Variants in C5AR1 observed in about 807,000 individuals in gnomAD.
C5AR1 encodes the protein C5a anaphylatoxin chemotactic receptor 1.
C5AR1 carries 4 observed loss-of-function variants against 2.4 expected under a neutral mutation model. The observed-to-expected ratio is 1.65, with a 90% confidence interval of 0.81 to 3.77. The LOEUF (loss-of-function observed/expected upper bound fraction) is 3.77, where lower values mean the gene tolerates loss of function less well. Among genes scored for constraint, C5AR1 ranks in the 30% most tolerant of loss-of-function variants. C5AR1 has a pLI of 0.01. For synonymous variants in C5AR1, 209 were observed against 210.4 expected (o/e 0.99, Z 0.06); for missense variants, 418 against 462.5 (o/e 0.90, Z 0.88).
intron 1 of C5AR1, among the ~76,000 whole-genome samples, chr19:47,317,458 A>C (rs2059293288): frequency 6.6e-6 from 1 of 150,636 alleles, no homozygotes; most frequent in South Asian, 2.1e-4. Context: ...CAGTGAGCCA[A>C]GATCACACCC....
At chr19:47,310,854 G>A (rs1327732845) in intron 1 of C5AR1, among the ~76,000 whole-genome samples, 1 of 152,206 alleles carries the variant, frequency 6.6e-6, no homozygotes, top group African/African-American at 2.4e-5. Flanking sequence ...CAGGAGCAGA[G>A]ATGGATGGGG....
At chr19:47,311,816 T>C (rs1055362532) in intron 1 of C5AR1, among the ~76,000 whole-genome samples, 2 of 151,986 alleles carry the variant, frequency 1.3e-5, no homozygotes, top group East Asian at 3.9e-4. Flanking sequence ...TCCACCCACA[T>C]TGGTCTCCCA....
intron 1 of C5AR1, among the ~76,000 whole-genome samples, chr19:47,314,762 C>T (rs562023887): frequency 6.6e-6 from 1 of 152,268 alleles, no homozygotes; most frequent in Non-Finnish European, 1.5e-5. Context: ...GGCACGATCT[C>T]GGCTCACTAC....
chr19:47,317,703 C>T (rs1207623027), intron 1 of C5AR1, among the ~76,000 whole-genome samples: 2 of 151,702 alleles, frequency 1.3e-5, no homozygotes, highest in Non-Finnish European at 2.9e-5. Context: ...AAAAACCAGG[C>T]CGGGTGTGGT....
At chr19:47,312,789 C>G (rs2059274933) in intron 1 of C5AR1, among the ~76,000 whole-genome samples, 1 of 152,054 alleles carries the variant, frequency 6.6e-6, no homozygotes, top group Non-Finnish European at 1.5e-5. Context: ...CCACCTCAGC[C>G]TCCTGAGTAG....
At position 47,320,122 on chromosome 19, in the gene C5AR1, C is replaced by T. The variant is rs759458196; in HGVS notation, c.345C>T (p.Leu115=). The T allele has an allele frequency of 8.7e-6, 14 of 1,614,090 alleles. No individual in the cohort carries two copies. The highest frequency in any genetic ancestry group is 1.3e-5 in the African/African-American group (1 of 74,952). Residue 115 remains leucine, a synonymous_variant, in exon 2 of 2, where the codon CTC becomes CTT. Transcript: ENST00000355085. This position sits in a 1 kb window ranked among gnomAD's most constrained non-coding sequence, Gnocchi z 4.9. ...CCGCCTGCAGCATCCTGCCCTCCCT[C>T]ATCCTGCTCAACATGTACGCCAGCA... ...GGAACSILPS[L]ILLNMYASIL... is the part of the protein sequence containing the mutation.
chr19:47,312,274 C>T (rs902645532), intron 1 of C5AR1, among the ~76,000 whole-genome samples: 5 of 152,018 alleles, frequency 3.3e-5, no homozygotes, highest in Non-Finnish European at 5.9e-5. Flanking sequence ...TTAGTAGAGA[C>T]GGGGTTTCAC....
intron 1 of C5AR1, 57 bp downstream of exon 1, chr19:47,309,955 T>C: frequency 6.3e-7 from 1 of 1,582,880 alleles, no homozygotes; most frequent in Non-Finnish European, 8.7e-7. Context: ...CTCCCATCTT[T>C]GCTCCAGTGG....
In C5AR1 at chr19:47,310,761, C is replaced by T. The variant is rs191877657; in HGVS notation, c.3+863C>T. On this transcript the variant is annotated intron_variant, in intron 1 of 1. Transcript: ENST00000355085. The stretch of plus-strand genomic sequence containing the variant: ...ATCCTCCCACCTTGGTCTCCCAAAG[C>T]TCTGGGATTACTGGCATGAGGCCAT... Among the ~76,000 whole-genome samples, 971 of 152,304 alleles carry T rather than the reference C, an allele frequency of 6.4e-3. 12 individuals are homozygous for T. The highest frequency in any genetic ancestry group is 0.022 in the African/African-American group (922 of 41,568).
chr19:47,309,377 C>T (rs537920586), upstream of C5AR1, among the ~76,000 whole-genome samples: 1 of 152,054 alleles, frequency 6.6e-6, no homozygotes, highest in Non-Finnish European at 1.5e-5. Context: ...AGTTTGAGTC[C>T]AGCCTGGCCA....
rs774370669 is a variant in C5AR1, at chr19:47,319,877, C to T, written c.100C>T (p.Arg34Cys). ...TGTGGATAAAACTTCTAACACGCTG[C>T]GTGTTCCAGACATCCTGGCCTTGGT... The part of the protein sequence containing the change: ...TPVDKTSNTL[R>C]VPDILALVIF... Residue 34 changes from arginine (R) to cysteine (C), a missense_variant, in exon 2 of 2, where the codon CGT becomes TGT. Arg to Cys is a radical substitution (Grantham distance 180). Coordinates refer to ENST00000355085, the MANE Select transcript of C5AR1 (RefSeq NM_001736.4). 1.3e-5 allele frequency: 21 copies of T among 1,614,052 alleles called. No homozygotes were observed. The Admixed American group carries it at 2.0e-4, about 15-fold the overall frequency.
intron 1 of C5AR1, among the ~76,000 whole-genome samples, chr19:47,311,414 C>T (rs2059270103): frequency 6.6e-6 from 1 of 151,738 alleles, no homozygotes. Flanking sequence ...GAGGCTGAGG[C>T]ACGACAATCG....
chr19:47,316,120 C>G (rs2059287196), intron 1 of C5AR1, among the ~76,000 whole-genome samples: 1 of 152,030 alleles, frequency 6.6e-6, no homozygotes, highest in South Asian at 2.1e-4. Context: ...ATTCTCCTGC[C>G]TCAGCCTCCC....
intron 1 of C5AR1, among the ~76,000 whole-genome samples, chr19:47,317,979 CAAA>C (rs35762293): frequency 1.3e-4 from 18 of 134,294 alleles, no homozygotes; most frequent in East Asian, 2.2e-4. Flanking sequence ...GACTCCATCT[CAAA>C]AAAAAAAAAA....
At position 47,312,667 on chromosome 19, in the gene C5AR1, T is replaced by C. The variant is rs146332446; in HGVS notation, c.3+2769T>C. Among the ~76,000 whole-genome samples the C allele has an allele frequency of 1.8e-3, 270 of 152,346 alleles. 1 individual carries two copies. The highest frequency in any genetic ancestry group is 6.3e-3 in the African/African-American group (262 of 41,586). On this transcript the variant is annotated intron_variant, in intron 1 of 1. Transcript: ENST00000355085. ...ACCAGGCGTTGTATTAGGCATTCAT[T>C]AATTTCCCCTTAACCTTGAGGAAGG...
chr19:47,309,873 C>T lies in C5AR1; in HGVS notation c.-23C>T, dbSNP rs112996569. ...TTGGGCAGGAGGGACCTTCGATCCT[C>T]GGGGAGCCCAGGAGACCAGAACATG... On this transcript the variant is annotated 5_prime_UTR_variant, in exon 1 of 2. Transcript: ENST00000355085. The T allele has an allele frequency of 1.9e-3, 3,102 of 1,612,160 alleles. 68 individuals are homozygous for T. In the African/African-American group the frequency reaches 0.034, roughly 18 times the overall value.
chr19:47,313,410 C>T (rs1019029273), intron 1 of C5AR1, among the ~76,000 whole-genome samples: 5 of 152,040 alleles, frequency 3.3e-5, no homozygotes, highest in African/African-American at 4.8e-5. Flanking sequence ...AATGCATGCC[C>T]CCCCACTCCC....
chr19:47,318,304 T>C (rs983224237), intron 1 of C5AR1, among the ~76,000 whole-genome samples: 10 of 151,878 alleles, frequency 6.6e-5, no homozygotes, highest in Admixed American at 2.0e-4. Flanking sequence ...TCTTTCTTTT[T>C]TTTTTTTGAG....
In C5AR1 at chr19:47,321,136, T is replaced by A. The variant is rs201119599; in HGVS notation, c.*306T>A. The A allele has an allele frequency of 2.9e-5, 6 of 207,216 alleles. No individual in the cohort carries two copies. Among genetic ancestry groups the A allele is most frequent in the African/African-American group, 1.5e-4 (6 of 38,740 alleles). The allele number at this position is 207,216 out of a possible 1,614,324, so 12.8% of individuals were successfully genotyped here. On this transcript the variant is annotated 3_prime_UTR_variant, in exon 2 of 2. Transcript: ENST00000355085. ...AACCCGTGTATCTGGGATATTTCCA[T>A]ATGGCAATAGGTGTGAACAGGGAAC...
Sources: allele counts gnomAD v4.1 joint callset (sites outside exome capture counted in the v4.1 genomes callset), GRCh38; gene constraint gnomAD v4.1.1; non-coding constraint Gnocchi (gnomAD v3.1); transcripts MANE v1.5; gene names NCBI Gene and HGNC (gene_info 2026-07-23, HGNC 2026-07-21).